DCDC1: variants seen among roughly 807,000 people sequenced by gnomAD.
DCDC1 encodes the protein doublecortin domain-containing protein 1.
A neutral mutation model predicts 178.3 loss-of-function variants in DCDC1; 200 were observed. The ratio of observed to expected loss-of-function variants is 1.12; its 90% CI spans 1.00 to 1.26. The LOEUF is 1.26. Ranked by LOEUF, DCDC1 falls within the 50% of genes most tolerant of loss-of-function variation. DCDC1 has a pLI of 0.00. For synonymous variants in DCDC1, 690 were observed against 604.8 expected (o/e 1.14, Z -2.07); for missense variants, 1,983 against 1,749.2 (o/e 1.13, Z -2.38).
At chr11:31,074,252 T>C (rs1034778749) in intron 18 of DCDC1, among the ~76,000 whole-genome samples, 7 of 152,184 alleles carry the variant, frequency 4.6e-5, no homozygotes, top group Non-Finnish European at 1.0e-4. Context: ...GTATTCACTG[T>C]AAACTGACTT....
intron 20 of DCDC1, among the ~76,000 whole-genome samples, chr11:30,981,948 C>T (rs1170496059): frequency 6.6e-6 from 1 of 152,060 alleles, no homozygotes; most frequent in African/African-American, 2.4e-5. Flanking sequence ...AATCATACTA[C>T]TGTGAAAAAA....
intron 1 of DCDC1, among the ~76,000 whole-genome samples, chr11:31,347,405 A>C (rs1173981557): frequency 6.6e-6 from 1 of 152,220 alleles, no homozygotes; most frequent in Non-Finnish European, 1.5e-5. Context: ...GAGAGTTAGT[A>C]AAGTTCAAAG....
chr11:31,170,578 ATC>A (rs1967081552), intron 9 of DCDC1, among the ~76,000 whole-genome samples: 1 of 152,234 alleles, frequency 6.6e-6, no homozygotes, highest in African/African-American at 2.4e-5. Flanking sequence ...CAAATAAAAC[ATC>A]TTAGATTTTG....
chr11:31,325,244 C>A (rs1949585632), intron 3 of DCDC1, among the ~76,000 whole-genome samples: 1 of 152,128 alleles, frequency 6.6e-6, no homozygotes, highest in Non-Finnish European at 1.5e-5. Flanking sequence ...GCCTGGATAC[C>A]TGTTACTAAT....
At chr11:31,267,996 C>T (rs1945285411) in intron 7 of DCDC1, among the ~76,000 whole-genome samples, 1 of 152,150 alleles carries the variant, frequency 6.6e-6, no homozygotes, top group South Asian at 2.1e-4. Context: ...ACAAATTGCT[C>T]CTTAGCCAAT....
intron 20 of DCDC1, among the ~76,000 whole-genome samples, chr11:31,005,962 A>AC (rs1272249179): frequency 6.8e-6 from 1 of 146,506 alleles, no homozygotes; most frequent in African/African-American, 2.5e-5. Flanking sequence ...GAAAAAAAAA[A>AC]AAAAAAAAAA....
intron 20 of DCDC1, among the ~76,000 whole-genome samples, chr11:30,955,485 C>G (rs950103808): frequency 1.3e-5 from 2 of 152,148 alleles, no homozygotes; most frequent in African/African-American, 2.4e-5. Flanking sequence ...CAGGGCCTCC[C>G]AAGACTTTAA....
chr11:31,271,425 T>TA, intron 7 of DCDC1, among the ~76,000 whole-genome samples: 1 of 152,204 alleles, frequency 6.6e-6, no homozygotes, highest in South Asian at 2.1e-4. Flanking sequence ...TCTTGAAAAT[T>TA]AAATCTCCCC....
intron 25 of DCDC1, among the ~76,000 whole-genome samples, chr11:30,918,785 C>T (rs186479172): frequency 6.6e-6 from 1 of 152,230 alleles, no homozygotes; most frequent in Non-Finnish European, 1.5e-5. Flanking sequence ...GGGCAGGTAC[C>T]TGTGATTCAG....
chr11:31,244,433 A>G (rs1977582126), intron 8 of DCDC1, among the ~76,000 whole-genome samples: 1 of 151,644 alleles, frequency 6.6e-6, no homozygotes, highest in Admixed American at 6.6e-5. Context: ...CCTTCCAACC[A>G]TGTGCTTCTC....
At chr11:31,139,804 G>A (rs1057119776) in intron 9 of DCDC1, among the ~76,000 whole-genome samples, 1 of 151,932 alleles carries the variant, frequency 6.6e-6, no homozygotes, top group African/African-American at 2.4e-5. Context: ...TACTAAAGAA[G>A]CACTAGCTAA....
At chr11:31,176,723 G>A (rs1047979045) in intron 9 of DCDC1, among the ~76,000 whole-genome samples, 1 of 152,056 alleles carries the variant, frequency 6.6e-6, no homozygotes, top group African/African-American at 2.4e-5. Context: ...AAATCTTTCA[G>A]GCCAGGAGAG....
At chr11:31,218,461 G>A (rs1973849808) in intron 9 of DCDC1, among the ~76,000 whole-genome samples, 1 of 152,080 alleles carries the variant, frequency 6.6e-6, no homozygotes, top group South Asian at 2.1e-4. Context: ...TTTCCTTAAA[G>A]AGACATTCAC....
chr11:30,956,316 A>T (rs1948770314), intron 20 of DCDC1, among the ~76,000 whole-genome samples: 1 of 152,198 alleles, frequency 6.6e-6, no homozygotes, highest in South Asian at 2.1e-4. Context: ...GATTATAGGC[A>T]TGAGCCACCA....
chr11:31,208,554 A>G (rs1972129494), intron 9 of DCDC1, among the ~76,000 whole-genome samples: 1 of 152,154 alleles, frequency 6.6e-6, no homozygotes, highest in East Asian at 1.9e-4. Flanking sequence ...ATCTTTCTCA[A>G]GCACACATTA....
At chr11:31,006,419 G>T (rs1247873979) in intron 20 of DCDC1, among the ~76,000 whole-genome samples, 1 of 152,160 alleles carries the variant, frequency 6.6e-6, no homozygotes, top group African/African-American at 2.4e-5. Flanking sequence ...GATGACTGGT[G>T]AGTCCTTATC....
At chr11:31,307,982 C>T (rs768140950) in intron 3 of DCDC1, 74 bp from the exon 4 acceptor site, 791 of 1,573,410 alleles carry the variant, frequency 5.0e-4, no homozygotes, top group Non-Finnish European at 6.5e-4. Flanking sequence ...CATATAATAA[C>T]GAGTTGTGTG....
intron 20 of DCDC1, among the ~76,000 whole-genome samples, chr11:30,989,306 G>C (rs290109): frequency 0.021 from 3,238 of 152,252 alleles, 120 homozygotes; most frequent in African/African-American, 0.074. Flanking sequence ...TACAGAGGGA[G>C]AAGATATTTT....
intron 31 of DCDC1, 106 bp from the exon 32 acceptor site, chr11:30,903,789 T>G: frequency 9.8e-7 from 1 of 1,023,618 alleles, no homozygotes. Context: ...ATAATTGAAT[T>G]TGAGAAAATA....
Sources: allele counts gnomAD v4.1 joint callset (sites outside exome capture counted in the v4.1 genomes callset), GRCh38; gene constraint gnomAD v4.1.1; transcripts MANE v1.5; gene names NCBI Gene and HGNC (gene_info 2026-07-23, HGNC 2026-07-21).